ASTN2: variants seen among roughly 807,000 people sequenced by gnomAD.
The protein encoded by ASTN2 is astrotactin-2.
ASTN2 carries 54 observed loss-of-function variants against 139.8 expected under a neutral mutation model. The observed-to-expected ratio is 0.39, with a 90% CI of 0.31 to 0.48. The LOEUF is 0.48. Among genes scored for constraint, ASTN2 ranks in the 20% least tolerant of loss-of-function variants. The pLI, the probability that ASTN2 is intolerant of heterozygous loss-of-function variation, is 0.95. For missense variants in ASTN2, 1,565 were observed against 1,725.1 expected (o/e 0.91, Z 1.64); for synonymous variants, 756 against 719.5 (o/e 1.05, Z -0.81).
chr9:117,035,765 T>C (rs1176705546), intron 6 of ASTN2, among the ~76,000 whole-genome samples: 1 of 152,142 alleles, frequency 6.6e-6, no homozygotes, highest in East Asian at 1.9e-4. Flanking sequence ...TGGCTTCAAA[T>C]GCTGGATGCT....
At chr9:116,550,343 C>T (rs1171207927) in intron 19 of ASTN2, among the ~76,000 whole-genome samples, 1 of 152,106 alleles carries the variant, frequency 6.6e-6, no homozygotes, top group Non-Finnish European at 1.5e-5. Flanking sequence ...TCAATTTTAC[C>T]CTGTATTATA....
chr9:117,311,642 T>C (rs1827979372), intron 1 of ASTN2, among the ~76,000 whole-genome samples: 1 of 152,148 alleles, frequency 6.6e-6, no homozygotes, highest in African/African-American at 2.4e-5. Context: ...CAGCCTGCCA[T>C]TCACTCTCCA....
intron 4 of ASTN2, among the ~76,000 whole-genome samples, chr9:117,103,099 C>T (rs16934308): frequency 0.14 from 21,849 of 151,926 alleles, 1,707 homozygotes; most frequent in East Asian, 0.2. Context: ...ACATGTTCAC[C>T]TAAAATCATC....
At chr9:116,738,820 A>T (rs1266155703) in intron 13 of ASTN2, among the ~76,000 whole-genome samples, 1 of 152,246 alleles carries the variant, frequency 6.6e-6, no homozygotes, top group African/African-American at 2.4e-5. Context: ...GCACGCAGTA[A>T]GTACATGCTC....
Position 116,614,649 on chromosome 9 carries a change from C to T in ASTN2, c.3355+3675G>A, listed in dbSNP as rs915158300. On this transcript the variant is annotated intron_variant, in intron 19 of 22. Coordinates refer to ENST00000313400, the MANE Select transcript of ASTN2 (RefSeq NM_001365068.1). ...AGGATTCCCTATTTAATAAATGGTG[C>T]TGGGAAAACTGGCTAGCCATATGTA... Among the ~76,000 whole-genome samples the T allele has an allele frequency of 2.6e-5, 4 of 152,172 alleles. No individual in the cohort carries two copies. In the South Asian group the frequency reaches 6.2e-4, roughly 24 times the overall value.
At chr9:117,247,741 G>A (rs911756776) in intron 2 of ASTN2, among the ~76,000 whole-genome samples, 2 of 152,214 alleles carry the variant, frequency 1.3e-5, no homozygotes. Flanking sequence ...CTTCTGGAAA[G>A]AAACAAAATG....
chr9:117,143,536 T>C (rs191282613), intron 3 of ASTN2, among the ~76,000 whole-genome samples: 26 of 152,370 alleles, frequency 1.7e-4, no homozygotes, highest in Non-Finnish European at 3.7e-4. Flanking sequence ...ACTTATTCAT[T>C]GATTCATTCA....
chr9:116,725,893 G>C lies in ASTN2; in HGVS notation c.2684C>G (p.Ser895Cys), dbSNP rs760551210. 10 of 1,614,036 alleles carry C rather than the reference G, an allele frequency of 6.2e-6. No individual in the cohort carries two copies. ...GTGGGAGCCATAGTGCTGGATGAAG[G>C]ACAGCAGCTCCTCCCGACTGCTCTC... ...TKESSREELL[S>C]FIQHYGSHYI... Residue 895 changes from serine (S) to cysteine (C), a missense_variant, in exon 16 of 23, where the codon TCC becomes TGC. By Grantham distance (112) the Ser-to-Cys change is moderately radical. Transcript: ENST00000313400.
chr9:117,193,116 G>C (rs1831390990), intron 3 of ASTN2, among the ~76,000 whole-genome samples: 2 of 152,164 alleles, frequency 1.3e-5, no homozygotes, highest in South Asian at 4.1e-4. Flanking sequence ...TGAATGGTGA[G>C]GAAGAGGTGT....
intron 16 of ASTN2, among the ~76,000 whole-genome samples, chr9:116,721,012 TACATACACACAA>T: frequency 6.6e-6 from 1 of 152,236 alleles, no homozygotes; most frequent in African/African-American, 2.4e-5. Flanking sequence ...TTCACGCACA[TACATACACACAA>T]ACATACACAC....
chr9:117,148,706 T>A (rs942740616), intron 3 of ASTN2, among the ~76,000 whole-genome samples: 1 of 152,228 alleles, frequency 6.6e-6, no homozygotes, highest in Non-Finnish European at 1.5e-5. Flanking sequence ...GGCCAAACAT[T>A]ATTCTAGACA....
chr9:117,323,636 A>G (rs1281225043), intron 1 of ASTN2, among the ~76,000 whole-genome samples: 1 of 152,208 alleles, frequency 6.6e-6, no homozygotes, highest in Middle Eastern at 3.2e-3. Flanking sequence ...AAGAGGCTCA[A>G]CAAGCACAAA....
intron 5 of ASTN2, among the ~76,000 whole-genome samples, chr9:117,092,106 G>T (rs1224117994): frequency 6.6e-6 from 1 of 152,126 alleles, no homozygotes; most frequent in Non-Finnish European, 1.5e-5. Context: ...GAGAATACTG[G>T]TTCATGTCCC....
intron 11 of ASTN2, among the ~76,000 whole-genome samples, chr9:116,839,114 C>A (rs189030175): frequency 1.2e-3 from 186 of 152,090 alleles, no homozygotes; most frequent in African/African-American, 4.2e-3. Flanking sequence ...CAATAGTATG[C>A]CTCAAAAATT....
intron 5 of ASTN2, among the ~76,000 whole-genome samples, chr9:117,077,929 G>T (rs902166162): frequency 6.6e-6 from 1 of 152,106 alleles, no homozygotes; most frequent in Non-Finnish European, 1.5e-5. Context: ...CTAATGATGG[G>T]GAACTCACTG....
At chr9:117,350,416 C>T (rs973290645) in intron 1 of ASTN2, among the ~76,000 whole-genome samples, 4 of 151,430 alleles carry the variant, frequency 2.6e-5, no homozygotes, top group Admixed American at 1.3e-4. Context: ...CAAGCGTGGT[C>T]GTGGGCACCT....
At chr9:116,758,750 C>T (rs1829596698) in intron 13 of ASTN2, among the ~76,000 whole-genome samples, 1 of 152,110 alleles carries the variant, frequency 6.6e-6, no homozygotes. Flanking sequence ...GAACTTGAAG[C>T]CCAAGAACAC....
chr9:116,634,506 C>A (rs532807835), intron 17 of ASTN2, among the ~76,000 whole-genome samples: 3 of 145,302 alleles, frequency 2.1e-5, no homozygotes, highest in Non-Finnish European at 3.0e-5. Context: ...AGGAGAATGG[C>A]GTGAACCCGG....
At chr9:117,005,012 G>A (rs1223440439) in intron 7 of ASTN2, among the ~76,000 whole-genome samples, 3 of 150,274 alleles carry the variant, frequency 2.0e-5, no homozygotes, top group Non-Finnish European at 3.0e-5. Flanking sequence ...TCTAGATGCT[G>A]TAGACTAGCA....
Sources: allele counts gnomAD v4.1 joint callset (sites outside exome capture counted in the v4.1 genomes callset), GRCh38; gene constraint gnomAD v4.1.1; transcripts MANE v1.5; gene names NCBI Gene and HGNC (gene_info 2026-07-23, HGNC 2026-07-21).